HSP90AA1: variants seen among roughly 807,000 people sequenced by gnomAD.
HSP90AA1 encodes heat shock protein 90 alpha family class A member 1.
Under a neutral mutation model 73.3 loss-of-function variants are expected in HSP90AA1, and 18 were observed. The observed-to-expected ratio is 0.25, with a 90% CI of 0.17 to 0.36. The LOEUF (loss-of-function observed/expected upper bound fraction) is 0.36. Ranked by LOEUF, HSP90AA1 falls within the 10% of genes least tolerant of loss-of-function variation. The pLI, the probability that HSP90AA1 is intolerant of heterozygous loss-of-function variation, is 1.00. For synonymous variants in HSP90AA1, 477 were observed against 296.9 expected (o/e 1.61, Z -6.24); for missense variants, 704 against 874.2 (o/e 0.81, Z 2.45).
At chr14:102,106,830 C>A (rs547394667) in intron 1 of HSP90AA1, among the ~76,000 whole-genome samples, 2 of 151,828 alleles carry the variant, frequency 1.3e-5, no homozygotes, top group African/African-American at 2.4e-5. Context: ...AAGTGTGAGC[C>A]GCTGCGCCCA....
At chr14:102,085,064 C>T in intron 4 of HSP90AA1, 66 bp from the exon 5 acceptor site, 1 of 1,611,370 alleles carries the variant, frequency 6.2e-7, no homozygotes, top group African/African-American at 1.3e-5. Flanking sequence ...CGCTGCACCA[C>T]TATTTTCAAC....
chr14:102,087,742 T>A (rs2049281654), upstream of HSP90AA1, among the ~76,000 whole-genome samples: 1 of 152,104 alleles, frequency 6.6e-6, no homozygotes, highest in South Asian at 2.1e-4. Context: ...CTCCCTACTT[T>A]TGGGTTCCCC....
chr14:102,131,126 G>A (rs1185063326), intron 1 of HSP90AA1, among the ~76,000 whole-genome samples: 3 of 152,212 alleles, frequency 2.0e-5, no homozygotes, highest in Admixed American at 6.5e-5. Context: ...GACATTCCCT[G>A]TGAATGCCTG....
At chr14:102,136,632 A>G (rs1342291651) in intron 1 of HSP90AA1, among the ~76,000 whole-genome samples, 1 of 151,282 alleles carries the variant, frequency 6.6e-6, no homozygotes. Context: ...TCACGCCTAT[A>G]ATCCCAGCAC....
chr14:102,123,252 C>T (rs935486375), intron 1 of HSP90AA1, among the ~76,000 whole-genome samples: 2 of 151,846 alleles, frequency 1.3e-5, no homozygotes, highest in Admixed American at 1.3e-4. Context: ...AAAAATTAGC[C>T]GAGCGTGGTG....
At position 102,082,212 on chromosome 14, in the gene HSP90AA1, A is replaced by G. The variant is rs2049115525; in HGVS notation, c.1988T>C (p.Val663Ala). 6.2e-7 allele frequency: 1 copy of G among 1,613,778 alleles called. No homozygotes were observed. The highest frequency in any genetic ancestry group is 1.3e-5 in the African/African-American group (1 of 75,016). Residue 663 changes from valine (V) to alanine (A), a missense_variant, in exon 10 of 11, where the codon GTC becomes GCC. Val to Ala is a moderately conservative substitution (Grantham distance 64). Coordinates refer to ENST00000216281, the MANE Select transcript of HSP90AA1 (RefSeq NM_005348.4). ...DKNDKSVKDL[V>A]ILLYETALLS... is the part of the protein sequence containing the mutation. The stretch of plus-strand genomic sequence containing the variant: ...GAGCGCAGTTTCATAAAGCAAGATG[A>G]CCAGATCCTTCACAGACTTGTCGTT...
chr14:102,102,355 C>T (rs1388715780), intron 1 of HSP90AA1, among the ~76,000 whole-genome samples: 1 of 152,168 alleles, frequency 6.6e-6, no homozygotes, highest in Admixed American at 6.6e-5. Flanking sequence ...CTCTGGGTGG[C>T]CAGGTGCTCT....
chr14:102,139,583 C>T, exon 1 of HSP90AA1: 1 of 709,158 alleles, frequency 1.4e-6, no homozygotes, highest in Non-Finnish European at 2.3e-6. Flanking sequence ...TTCCCCCTGA[C>T]CGGCTTTCCG....
At position 102,085,446 on chromosome 14, in the gene HSP90AA1, AG is replaced by A. The variant is rs1176987895; in HGVS notation, c.530-16del. ...CATAGGTTCACCTGCAAGAGAAGAA[AG>A]AAAAATTGACTTAATACATTCAATT... On this transcript the variant is annotated splice_polypyrimidine_tract_variant and intron_variant, in intron 3 of 10. Transcript: ENST00000216281. 2 of 1,506,990 alleles carry A rather than the reference AG, an allele frequency of 1.3e-6. No individual in the cohort carries two copies. Among genetic ancestry groups the A allele is most frequent in the Non-Finnish European group, 1.8e-6 (2 of 1,131,352 alleles). The allele number at this position is 1,506,990 out of a possible 1,614,324, so 93.4% of individuals were successfully genotyped here.
chr14:102,112,879 A>C (rs975382333), intron 1 of HSP90AA1, among the ~76,000 whole-genome samples: 2 of 152,196 alleles, frequency 1.3e-5, no homozygotes, highest in Admixed American at 6.5e-5. Context: ...TTTTTACAAG[A>C]ATGCAGACCG....
At chr14:102,135,508 C>T (rs1243707301) in intron 1 of HSP90AA1, among the ~76,000 whole-genome samples, 3 of 152,272 alleles carry the variant, frequency 2.0e-5, no homozygotes, top group Non-Finnish European at 2.9e-5. Flanking sequence ...GCGCCGTGCG[C>T]TCGCATTCCT....
intron 1 of HSP90AA1, among the ~76,000 whole-genome samples, chr14:102,130,696 T>C (rs1595681649): frequency 6.6e-6 from 1 of 152,304 alleles, no homozygotes; most frequent in East Asian, 1.9e-4. Flanking sequence ...TTTATAGTTT[T>C]AATTCTTACA....
At position 102,083,078 on chromosome 14, in the gene HSP90AA1, G is replaced by A. The variant is rs372213976; in HGVS notation, c.1711C>T (p.Leu571Phe). 3.7e-6 allele frequency: 6 copies of A among 1,613,642 alleles called. No individual in the cohort carries two copies. Among genetic ancestry groups the A allele is most frequent in the Non-Finnish European group, 5.1e-6 (6 of 1,179,760 alleles). The change falls in exon 9 of 11, where the codon CTC becomes TTC. Residue 571 changes from leucine (L) to phenylalanine (F), a missense_variant. Coordinates refer to ENST00000216281, the MANE Select transcript of HSP90AA1 (RefSeq NM_005348.4). ...QEEKKTKFEN[L>F]CKIMKDILEK... ...AATATGTCTTTCATGATTTTGCAGAGGTTCTCAAACTTTGTTTTTTTCTCT... is the reference window on the plus strand; with the variant it reads ...AATATGTCTTTCATGATTTTGCAGAAGTTCTCAAACTTTGTTTTTTTCTCT...
chr14:102,131,446 C>G (rs896308708), intron 1 of HSP90AA1, among the ~76,000 whole-genome samples: 15 of 152,200 alleles, frequency 9.9e-5, no homozygotes, highest in Non-Finnish European at 1.5e-5. Context: ...CTGTTCTACT[C>G]TTGCTTCCTT....
Position 102,084,840 on chromosome 14 carries a change from C to T in HSP90AA1, c.822G>A (p.Lys274=), listed in dbSNP as rs956840623. 10 of 1,583,798 alleles carry T rather than the reference C, an allele frequency of 6.3e-6. No homozygotes were observed. The South Asian group carries it at 8.8e-5, about 14-fold the overall frequency. ...TTTCCTTAATCTTCTTCTTCTTCTTCTTGTCACCATCCTTCTTTTCTTCTT... is the reference window on the plus strand; with the variant it reads ...TTTCCTTAATCTTCTTCTTCTTCTTTTTGTCACCATCCTTCTTTTCTTCTT... ...DEEEEKKDGD[K]KKKKKIKEKY... is the part of the protein sequence containing the mutation. Residue 274 remains lysine (K), a synonymous_variant, in exon 5 of 11, where the codon AAG becomes AAA. Transcript: ENST00000216281.
intron 1 of HSP90AA1, among the ~76,000 whole-genome samples, chr14:102,129,255 C>G (rs1232266606): frequency 6.6e-6 from 1 of 151,586 alleles, no homozygotes; most frequent in Non-Finnish European, 1.5e-5. Context: ...TCCTGTCAGC[C>G]TCCCGAGATT....
In HSP90AA1 at chr14:102,081,168, C is replaced by T. The variant is rs1369081693; in HGVS notation, c.*544G>A. On this transcript the variant is annotated 3_prime_UTR_variant, in exon 11 of 11. Coordinates refer to ENST00000216281, the MANE Select transcript of HSP90AA1 (RefSeq NM_005348.4). The stretch of plus-strand genomic sequence containing the variant: ...CAGCTTTACGATATGCTTAGGTAGG[C>T]TTTTAACTTTGCTCCTCCAAACAAT... 3 of 234,628 alleles carry T rather than the reference C, an allele frequency of 1.3e-5. No homozygotes were observed. Among genetic ancestry groups the T allele is most frequent in the Non-Finnish European group, 2.5e-5 (3 of 118,244 alleles). 14.5% of individuals were successfully genotyped at this position (234,628 alleles called of 1,614,324 possible). A position where few individuals can be genotyped will look rare whatever the true frequency, so the allele number is the denominator to read the frequency against.
At position 102,083,274 on chromosome 14, in the gene HSP90AA1, T is replaced by C. The variant is rs186149423; in HGVS notation, c.1515A>G (p.Ser505=). The stretch of plus-strand genomic sequence containing the variant: ...GTTTCCGAAGACGTTCCACAAAGGC[T>C]GAGTTAGCTACCTGGTCCTTGGTCT... ...TGETKDQVAN[S]AFVERLRKHG... is the part of the protein sequence containing the mutation. The change falls in exon 9 of 11, where the codon TCA becomes TCG. Residue 505 remains serine, a synonymous_variant. Coordinates refer to ENST00000216281, the MANE Select transcript of HSP90AA1 (RefSeq NM_005348.4). The C allele has an allele frequency of 1.9e-6, 3 of 1,614,202 alleles. No individual in the cohort carries two copies. The highest frequency in any genetic ancestry group is 3.3e-5 in the Admixed American group (2 of 60,022).
chr14:102,084,968 C>T lies in HSP90AA1; in HGVS notation c.694G>A (p.Asp232Asn). 2 of 1,611,456 alleles carry T rather than the reference C, an allele frequency of 1.2e-6. No homozygotes were observed. The highest frequency in any genetic ancestry group is 1.7e-4 in the Middle Eastern group (1 of 6,052). ...TCTTCCTTTTCTTCAGCCTCATCAT[C>T]GCTTACTTCTTTATCACGTTCCTTC... ...VEKERDKEVS[D>N]DEAEEKEDKE... Residue 232 changes from aspartate to asparagine, a missense_variant, in exon 5 of 11, where the codon GAT becomes AAT. Transcript: ENST00000216281.
Sources: gnomAD v4.1 joint callset for allele counts (sites outside exome capture counted in the v4.1 genomes callset) on GRCh38, gnomAD v4.1.1 for gene constraint, MANE v1.5 for transcripts, NCBI Gene and HGNC (gene_info 2026-07-23, HGNC 2026-07-21) for gene names.